PCDH15: variants seen among roughly 807,000 people sequenced by gnomAD.
PCDH15 encodes protocadherin-15.
A neutral mutation model predicts 178.5 loss-of-function variants in PCDH15; 129 were observed. The observed-to-expected ratio is 0.72, with a 90% CI of 0.63 to 0.84. PCDH15 has a LOEUF of 0.84. Among genes scored for constraint, PCDH15 ranks in the 40% least tolerant of loss-of-function variants. The probability of loss-of-function intolerance (pLI) is 0.00; values close to 1 mark genes in which losing one functional copy is unlikely to be tolerated. For synonymous variants in PCDH15, 800 were observed against 732.0 expected (o/e 1.09, Z -1.50); for missense variants, 2,230 against 2,099.9 (o/e 1.06, Z -1.21).
intron 9 of PCDH15, among the ~76,000 whole-genome samples, chr10:54,230,695 T>C (rs2053964772): frequency 6.6e-6 from 1 of 152,172 alleles, no homozygotes; most frequent in African/African-American, 2.4e-5. Context: ...ATCTCCATTC[T>C]TAATCAATGG....
At chr10:55,609,494 A>T (rs112695299) in intron 2 of PCDH15, among the ~76,000 whole-genome samples, 4 of 152,144 alleles carry the variant, frequency 2.6e-5, no homozygotes, top group African/African-American at 9.7e-5. Flanking sequence ...AGGTATTATG[A>T]AAAATTGTGC....
At chr10:55,467,437 T>A (rs943714892) in intron 2 of PCDH15, among the ~76,000 whole-genome samples, 1 of 151,660 alleles carries the variant, frequency 6.6e-6, no homozygotes, top group Non-Finnish European at 1.5e-5. Flanking sequence ...TTTTAATGAT[T>A]AATTTGAGAC....
chr10:54,086,106 T>G (rs1590328664), intron 16 of PCDH15, among the ~76,000 whole-genome samples: 1 of 152,100 alleles, frequency 6.6e-6, no homozygotes, highest in African/African-American at 2.4e-5. Context: ...ATAAAGAAAA[T>G]AAGTTTATTT....
In PCDH15 at chr10:54,162,195, C is replaced by G. The variant is rs530520543; in HGVS notation, c.1591-8902G>C. ...TGAGTAACTTTCTTCCTTCTTCCTG[C>G]CTTCTTATGCACCTCACAAAGTTTA... On this transcript the variant is annotated intron_variant, in intron 13 of 37. Coordinates refer to ENST00000644397, the MANE Select transcript of PCDH15 (RefSeq NM_001384140.1). Among the ~76,000 whole-genome samples, 3 of 138,158 alleles carry G rather than the reference C, an allele frequency of 2.2e-5. No individual in the cohort carries two copies. The South Asian group carries it at 7.0e-4, about 32-fold the overall frequency. 90.6% of individuals were successfully genotyped at this position (138,158 alleles called of 152,430 possible). A position where few individuals can be genotyped will look rare whatever the true frequency, so the allele number is the denominator to read the frequency against.
intron 1 of PCDH15, among the ~76,000 whole-genome samples, chr10:55,257,315 C>T: frequency 6.6e-6 from 1 of 152,102 alleles, no homozygotes; most frequent in East Asian, 1.9e-4. Context: ...AGTCAGAGTG[C>T]CTCTCCTCCT....
At chr10:54,800,781 T>C (rs1952592446) in intron 1 of PCDH15, 144 bp downstream of exon 1, 1 of 152,200 alleles carries the variant, frequency 6.6e-6, no homozygotes. Context: ...TTGCAATCAT[T>C]ACTACTCTAT....
At chr10:54,462,028 A>G (rs1204947435) in intron 3 of PCDH15, among the ~76,000 whole-genome samples, 2 of 152,072 alleles carry the variant, frequency 1.3e-5, no homozygotes, top group Non-Finnish European at 2.9e-5. Flanking sequence ...ATATATAATC[A>G]TGTTACATGA....
At chr10:55,505,412 A>G (rs887609652) in intron 2 of PCDH15, among the ~76,000 whole-genome samples, 16 of 151,374 alleles carry the variant, frequency 1.1e-4, no homozygotes, top group African/African-American at 3.9e-4. Flanking sequence ...TTCTTTAAGA[A>G]AATAATAAGA....
intron 8 of PCDH15, among the ~76,000 whole-genome samples, chr10:54,303,833 T>C (rs1377999490): frequency 6.6e-6 from 1 of 152,174 alleles, no homozygotes; most frequent in Non-Finnish European, 1.5e-5. Flanking sequence ...GCAAGGCTGA[T>C]AAATGCAAAC....
At chr10:55,013,583 C>T (rs1462763444) in intron 2 of PCDH15, among the ~76,000 whole-genome samples, 1 of 152,156 alleles carries the variant, frequency 6.6e-6, no homozygotes, top group Non-Finnish European at 1.5e-5. Flanking sequence ...TCAATCTCAA[C>T]TCAGTGATCC....
chr10:54,856,389 G>C (rs946246847), intron 3 of PCDH15, among the ~76,000 whole-genome samples: 1 of 152,152 alleles, frequency 6.6e-6, no homozygotes, highest in Non-Finnish European at 1.5e-5. Context: ...GCCATCTCTA[G>C]AGAATAGAAT....
intron 2 of PCDH15, among the ~76,000 whole-genome samples, chr10:55,325,996 C>CGTCACT (rs1260146800): frequency 1.3e-5 from 2 of 152,114 alleles, no homozygotes; most frequent in East Asian, 3.9e-4. Flanking sequence ...AAATGCTCAG[C>CGTCACT]GTCACTAATC....
At chr10:54,355,893 G>T (rs555190720) in intron 5 of PCDH15, among the ~76,000 whole-genome samples, 3 of 152,042 alleles carry the variant, frequency 2.0e-5, no homozygotes, top group South Asian at 2.1e-4. Flanking sequence ...TTCAATAAGC[G>T]CTCAAGGAGC....
intron 2 of PCDH15, among the ~76,000 whole-genome samples, chr10:54,916,492 T>C (rs1639067029): frequency 6.6e-6 from 1 of 152,216 alleles, no homozygotes; most frequent in Admixed American, 6.5e-5. Flanking sequence ...AAATCTATTG[T>C]TTGCTCTAAG....
intron 1 of PCDH15, among the ~76,000 whole-genome samples, chr10:55,247,604 T>C (rs1023206971): frequency 9.3e-5 from 14 of 150,276 alleles, no homozygotes; most frequent in African/African-American, 3.2e-4. Context: ...TTTATCACCA[T>C]TATAATTCTT....
chr10:54,461,747 G>T (rs2077177475), intron 3 of PCDH15, among the ~76,000 whole-genome samples: 1 of 151,906 alleles, frequency 6.6e-6, no homozygotes, highest in Non-Finnish European at 1.5e-5. Flanking sequence ...TCCTTCTTTG[G>T]ACTATAGTAA....
chr10:54,547,099 C>T (rs1373161360), intron 2 of PCDH15, among the ~76,000 whole-genome samples: 4 of 152,016 alleles, frequency 2.6e-5, no homozygotes, highest in Admixed American at 2.0e-4. Flanking sequence ...AAACTTCAAG[C>T]ACTCTCCCAT....
At chr10:55,439,593 G>T (rs573125284) in intron 2 of PCDH15, among the ~76,000 whole-genome samples, 1 of 96,218 alleles carries the variant, frequency 1.0e-5, no homozygotes, top group East Asian at 2.8e-4. Context: ...GCAGTTTATG[G>T]CATTTTTTTT....
chr10:53,865,228 T>C (rs2079368833), intron 27 of PCDH15, among the ~76,000 whole-genome samples: 1 of 152,166 alleles, frequency 6.6e-6, no homozygotes, highest in Non-Finnish European at 1.5e-5. Flanking sequence ...GCTAAGTGAA[T>C]ATGACATAGA....
Sources: allele counts gnomAD v4.1 joint callset (sites outside exome capture counted in the v4.1 genomes callset), GRCh38; gene constraint gnomAD v4.1.1; transcripts MANE v1.5; gene names NCBI Gene and HGNC (gene_info 2026-07-23, HGNC 2026-07-21).